NAV3: variants seen among roughly 807,000 people sequenced by gnomAD.
NAV3 encodes neuron navigator 3, also known as pore membrane and/or filament interacting like protein 1.
A neutral mutation model predicts 244.7 loss-of-function variants in NAV3; 87 were observed. The ratio of observed to expected loss-of-function variants is 0.36; its 90% CI spans 0.30 to 0.42. NAV3 has a LOEUF of 0.42. Ranked by LOEUF, NAV3 falls within the 20% of genes least tolerant of loss-of-function variation. The pLI, the probability that NAV3 is intolerant of heterozygous loss-of-function variation, is 1.00. For synonymous variants in NAV3, 1,126 were observed against 1,042.2 expected (o/e 1.08, Z -1.55); for missense variants, 2,663 against 2,893.3 (o/e 0.92, Z 1.83).
chr12:77,914,833 TTG>T (rs2137087984), intron 1 of NAV3, among the ~76,000 whole-genome samples: 1 of 83,446 alleles, frequency 1.2e-5, no homozygotes, highest in African/African-American at 3.9e-5. Context: ...CAGAGATTCT[TTG>T]TCTTTTTTTT....
At chr12:77,808,045 C>G (rs1476072111) in intron 2 of NAV3, among the ~76,000 whole-genome samples, 5 of 152,156 alleles carry the variant, frequency 3.3e-5, no homozygotes, top group Non-Finnish European at 7.3e-5. Context: ...ATGTTCTTCT[C>G]TCAACTGGTT....
At chr12:77,962,459 A>C (rs1224980939) in intron 3 of NAV3, among the ~76,000 whole-genome samples, 1 of 152,102 alleles carries the variant, frequency 6.6e-6, no homozygotes, top group Non-Finnish European at 1.5e-5. Flanking sequence ...CTTGTGATTA[A>C]AGCCCAAAAC....
chr12:77,835,475 TG>T (rs1874468423), intron 1 of NAV3, among the ~76,000 whole-genome samples: 4 of 152,312 alleles, frequency 2.6e-5, no homozygotes, highest in African/African-American at 9.6e-5. Flanking sequence ...TGTGTTCAGT[TG>T]TCACTCCCTT....
intron 1 of NAV3, among the ~76,000 whole-genome samples, chr12:77,885,047 AAC>A (rs1433400838): frequency 1.3e-5 from 2 of 152,124 alleles, no homozygotes; most frequent in Non-Finnish European, 2.9e-5. Context: ...ACATTCATGG[AAC>A]ACAACATCTA....
At chr12:78,161,709 AAAT>A (rs1289113929) in intron 23 of NAV3, among the ~76,000 whole-genome samples, 1 of 152,114 alleles carries the variant, frequency 6.6e-6, no homozygotes, top group East Asian at 1.9e-4. Context: ...TTTTAACTGA[AAAT>A]AAAATCACTT....
At chr12:77,751,558 A>C (rs1270097332) in intron 2 of NAV3, among the ~76,000 whole-genome samples, 1 of 152,144 alleles carries the variant, frequency 6.6e-6, no homozygotes. Flanking sequence ...TCCTTCCACC[A>C]TGTGAAGAAG....
rs536783199 is a variant in NAV3, at chr12:77,700,929, A to G, written c.72+128663A>G. On this transcript the variant is annotated intron_variant, in intron 2 of 8. Coordinates refer to the NAV3 transcript ENST00000550042. ...TGTACTATGAACTCTTTTATATTAT[A>G]TATTATAAACTCTTTTATATTTAAC... 1.7e-3 allele frequency among the ~76,000 whole-genome samples: 73 copies of G among 41,726 alleles called. 2 individuals carry two copies. The South Asian group carries it at 0.024, about 14-fold the overall frequency. 27.4% of individuals were successfully genotyped at this position (41,726 alleles called of 152,430 possible).
chr12:77,644,443 A>G (rs1872538797), intron 2 of NAV3, among the ~76,000 whole-genome samples: 1 of 152,090 alleles, frequency 6.6e-6, no homozygotes, highest in South Asian at 2.1e-4. Flanking sequence ...AGCAAACAGA[A>G]GGAGTGCACA....
At chr12:77,878,470 C>G (rs1444309891) in intron 1 of NAV3, among the ~76,000 whole-genome samples, 3 of 152,064 alleles carry the variant, frequency 2.0e-5, no homozygotes, top group Non-Finnish European at 4.4e-5. Flanking sequence ...CTCAACTGAT[C>G]TGCCCATCTC....
intron 2 of NAV3, among the ~76,000 whole-genome samples, chr12:77,690,673 T>C (rs994248088): frequency 6.6e-6 from 1 of 150,910 alleles, no homozygotes; most frequent in Non-Finnish European, 1.5e-5. Flanking sequence ...AATGATTTTC[T>C]AGAGCCTCAG....
intron 2 of NAV3, among the ~76,000 whole-genome samples, chr12:77,581,319 C>T (rs1208857258): frequency 6.6e-6 from 1 of 151,992 alleles, no homozygotes; most frequent in African/African-American, 2.4e-5. Flanking sequence ...ATGTCAGTTC[C>T]AAGCATTAAA....
chr12:78,144,166 A>G (rs1956754038), intron 20 of NAV3, among the ~76,000 whole-genome samples: 1 of 152,188 alleles, frequency 6.6e-6, no homozygotes, highest in African/African-American at 2.4e-5. Flanking sequence ...TGAATTCTAA[A>G]TTGTATTTTT....
chr12:78,211,280 T>C lies in NAV3; in HGVS notation c.*763T>C, dbSNP rs1960862334. 1 of 152,602 alleles carries C rather than the reference T, an allele frequency of 6.6e-6. No homozygotes were observed. Among genetic ancestry groups the C allele is most frequent in the African/African-American group, 2.4e-5 (1 of 41,436 alleles). 9.5% of individuals were successfully genotyped at this position (152,602 alleles called of 1,614,324 possible). A position where few individuals can be genotyped will look rare whatever the true frequency, so the allele number is the denominator to read the frequency against. On this transcript the variant is annotated 3_prime_UTR_variant, in exon 40 of 40. Transcript: ENST00000397909. ...CACTGATAAAAGGCTTTTTTAGGGC[T>C]TTATTTGTTTGAGCCTTTTCAGTGA...
rs1565771808 is a variant in NAV3, at chr12:77,686,429, T to TTC, written c.72+114164_72+114165insCT. Among the ~76,000 whole-genome samples, 478 of 111,026 alleles carry TTC rather than the reference T, an allele frequency of 4.3e-3. 4 individuals are homozygous for TTC. The highest frequency in any genetic ancestry group is 0.018 in the East Asian group (66 of 3,582). 72.8% of individuals were successfully genotyped at this position (111,026 alleles called of 152,430 possible). On this transcript the variant is annotated intron_variant, in intron 2 of 8. Coordinates refer to the NAV3 transcript ENST00000550042. ...TTTCTTTTCTTTCTTTCTTTCTTTT[T>TTC]TTTTTTTTTTTTTTTTTTAAAAACA...
chr12:77,928,222 CAAAAAAAAAAA>C (rs759919821), intron 1 of NAV3, among the ~76,000 whole-genome samples: 1 of 80,530 alleles, frequency 1.2e-5, no homozygotes, highest in African/African-American at 5.1e-5. Flanking sequence ...GGCTCCGCCT[CAAAAAAAAAAA>C]AAAAAAAAAA....
intron 1 of NAV3, among the ~76,000 whole-genome samples, chr12:77,883,743 A>T (rs555933066): frequency 6.6e-6 from 1 of 152,190 alleles, no homozygotes; most frequent in East Asian, 1.9e-4. Flanking sequence ...TTCCTCTTTT[A>T]TCTTGAAGAT....
intron 2 of NAV3, among the ~76,000 whole-genome samples, chr12:77,652,682 AAAAGGAC>A (rs2136996411): frequency 6.6e-6 from 1 of 152,314 alleles, no homozygotes; most frequent in Admixed American, 6.5e-5. Context: ...TTGATTTTGG[AAAAGGAC>A]AAAGGATAGA....
At chr12:78,040,223 CT>C in intron 9 of NAV3, among the ~76,000 whole-genome samples, 2 of 152,054 alleles carry the variant, frequency 1.3e-5, no homozygotes, top group South Asian at 4.1e-4. Flanking sequence ...AATAAATTTT[CT>C]TTGGTTATTA....
rs189734904 is a variant in NAV3 at position 77,593,796 on chromosome 12, A to C, written c.72+21530A>C. Among the ~76,000 whole-genome samples, 32 of 151,718 alleles carry C rather than the reference A, an allele frequency of 2.1e-4. 1 individual carries two copies. The East Asian group carries it at 5.3e-3, about 25-fold the overall frequency. On this transcript the variant is annotated intron_variant, in intron 2 of 8. Coordinates refer to the NAV3 transcript ENST00000550042. ...GCCTCTCCCTTGTGATTTTTAGAGGAGGAGAGATTTATTTTAGATGAAAGG... is the reference window on the plus strand; with the variant it reads ...GCCTCTCCCTTGTGATTTTTAGAGGCGGAGAGATTTATTTTAGATGAAAGG...
Sources: allele counts gnomAD v4.1 joint callset (sites outside exome capture counted in the v4.1 genomes callset), GRCh38; gene constraint gnomAD v4.1.1; transcripts MANE v1.5; gene names NCBI Gene and HGNC (gene_info 2026-07-23, HGNC 2026-07-21).